Variants in XRCC1 observed in about 807,000 individuals in gnomAD.
XRCC1 encodes the protein DNA repair protein XRCC1.
In XRCC1, 52 loss-of-function variants were observed where a neutral mutation model predicts 83.3. That is an observed-to-expected ratio of 0.62 (90% confidence interval 0.50 to 0.79). The LOEUF (loss-of-function observed/expected upper bound fraction) is 0.79, where lower values mean the gene tolerates loss of function less well. Ranked by LOEUF, XRCC1 falls within the 30% of genes least tolerant of loss-of-function variation. The pLI is 0.00. For missense variants in XRCC1, 793 were observed against 823.5 expected, an observed-to-expected ratio of 0.96 and a Z score of 0.45; for synonymous variants, 281 against 312.6, an observed-to-expected ratio of 0.90 and a Z score of 1.07.
At chr19:43,548,408 C>CTT (rs768008150) in intron 10 of XRCC1, among the ~76,000 whole-genome samples, 4 of 152,206 alleles carry the variant, frequency 2.6e-5, no homozygotes, top group South Asian at 4.1e-4. Flanking sequence ...ACATGGGAGA[C>CTT]TTCATTTTGT....
At chr19:43,569,469 C>T in intron 2 of XRCC1, among the ~76,000 whole-genome samples, 1 of 121,710 alleles carries the variant, frequency 8.2e-6, no homozygotes, top group South Asian at 2.8e-4. Context: ...TAGTGAGACC[C>T]TGTCTCAAAA....
chr19:43,568,598 C>T (rs1363837464), intron 2 of XRCC1, among the ~76,000 whole-genome samples: 1 of 151,618 alleles, frequency 6.6e-6, no homozygotes, highest in Non-Finnish European at 1.5e-5. Flanking sequence ...TGAAAAAAAA[C>T]ACACAAGGGA....
rs369764483 is a variant in XRCC1 at position 43,552,231 on chromosome 19, G to A, written c.868C>T (p.Arg290Ter). 9.9e-6 allele frequency: 16 copies of A among 1,612,868 alleles called. No individual in the cohort carries two copies. The highest frequency in any genetic ancestry group is 1.6e-4 in the Middle Eastern group (1 of 6,082). The change falls in exon 9 of 17, where the codon CGA (arginine) becomes TGA (stop). Residue 290 changes from arginine to a stop codon, truncating the protein, a stop_gained. Transcript: ENST00000262887. LOFTEE classifies it high-confidence loss of function. ...RTPATAPVPA[R>*]AQGAVTGKPR... is the part of the protein sequence containing the mutation. Reference sequence around the variant, plus strand: ...TTGCCTGTCACTGCCCCCTGTGCTCGGGCAGGGACTGGGGCTGTGGCTGGG... The same window carrying A: ...TTGCCTGTCACTGCCCCCTGTGCTCAGGCAGGGACTGGGGCTGTGGCTGGG...
intron 3 of XRCC1, among the ~76,000 whole-genome samples, chr19:43,560,234 CA>C (rs918100339): frequency 5.4e-4 from 75 of 138,392 alleles, no homozygotes; most frequent in Non-Finnish European, 4.0e-4. Flanking sequence ...ACTAAAAATA[CA>C]AAAAAAAAAA....
chr19:43,561,069 C>T lies in XRCC1; in HGVS notation c.145-49G>A, dbSNP rs765840799. On this transcript the variant is annotated intron_variant, in intron 2 of 16. Transcript: ENST00000262887. ...TGTCAGTGCCTGCTCTGCCTCTGGG[C>T]TCACTGTGGGACCTCAGGATGAATC... 2.7e-6 allele frequency: 4 copies of T among 1,458,534 alleles called. No homozygotes were observed. In the Admixed American group the frequency reaches 5.0e-5, roughly 18 times the overall value. 90.3% of individuals were successfully genotyped at this position (1,458,534 alleles called of 1,614,324 possible).
intron 3 of XRCC1, among the ~76,000 whole-genome samples, chr19:43,557,785 T>G (rs3213337): frequency 0.021 from 1,265 of 61,706 alleles, 12 homozygotes; most frequent in Middle Eastern, 0.081. Flanking sequence ...GGAGCAAAAT[T>G]CCATCTCAAA....
chr19:43,571,018 T>C (rs1346665836), intron 2 of XRCC1, among the ~76,000 whole-genome samples: 2 of 152,170 alleles, frequency 1.3e-5, no homozygotes, highest in Non-Finnish European at 2.9e-5. Flanking sequence ...GCCCCTGCAG[T>C]TGATTGTCAA....
At chr19:43,550,299 C>T (rs1206715643) in intron 10 of XRCC1, among the ~76,000 whole-genome samples, 1 of 152,058 alleles carries the variant, frequency 6.6e-6, no homozygotes, top group Non-Finnish European at 1.5e-5. Context: ...AAAAAAAAGT[C>T]CGCAAATAGC....
At chr19:43,544,460 A>G (rs1169408951) in intron 14 of XRCC1, among the ~76,000 whole-genome samples, 2 of 151,200 alleles carry the variant, frequency 1.3e-5, no homozygotes, top group Non-Finnish European at 2.9e-5. Context: ...AATGCCTATT[A>G]TTGTGATTTG....
chr19:43,546,913 C>CG lies in XRCC1; in HGVS notation c.1263dup (p.Gly422ArgfsTer3). ...TGAGGAAGCTTGGGGGCTTCATCTCCGCTGCCACCGCTGTGAGAGGCCTCA... is the reference window on the plus strand; with the variant it reads ...TGAGGAAGCTTGGGGGCTTCATCTCCGGCTGCCACCGCTGTGAGAGGCCTCA... On this transcript the variant is annotated frameshift_variant, in exon 11 of 17. Transcript: ENST00000262887. LOFTEE classifies it high-confidence loss of function. The CG allele has an allele frequency of 1.9e-6, 3 of 1,614,008 alleles. No homozygotes were observed. Among genetic ancestry groups the CG allele is most frequent in the Non-Finnish European group, 2.5e-6 (3 of 1,180,004 alleles).
chr19:43,560,615 C>T (rs1196435486), intron 3 of XRCC1, among the ~76,000 whole-genome samples: 1 of 152,144 alleles, frequency 6.6e-6, no homozygotes, highest in Non-Finnish European at 1.5e-5. Context: ...TCTGCCTACA[C>T]CTAGATTTTA....
In XRCC1 at chr19:43,553,637, T is replaced by G; in HGVS notation, c.461A>C (p.Asp154Ala). The G allele has an allele frequency of 6.5e-7, 1 of 1,528,580 alleles. No homozygotes were observed. Among genetic ancestry groups the G allele is most frequent in the Non-Finnish European group, 8.9e-7 (1 of 1,129,294 alleles). The allele number at this position is 1,528,580 out of a possible 1,614,324, so 94.7% of individuals were successfully genotyped here. The part of the protein sequence containing the change: ...LSFVRFHSPP[D>A]KDEAEAPSQK... ...GGACGGGGCCTCTGCCTCATCTTTG[T>G]CTGGGGGGCTATGAAACCGTACAAA... is the stretch of plus-strand genomic sequence containing the variant. The change falls in exon 5 of 17, where the codon GAC becomes GCC. Residue 154 changes from aspartate to alanine, a missense_variant. Asp to Ala is a moderately radical substitution (Grantham distance 126). Coordinates refer to ENST00000262887, the MANE Select transcript of XRCC1 (RefSeq NM_006297.3).
Position 43,552,045 on chromosome 19 carries a change from C to G in XRCC1, c.1054G>C (p.Asp352His), listed in dbSNP as rs1338100861. 5 of 1,613,968 alleles carry G rather than the reference C, an allele frequency of 3.1e-6. No homozygotes were observed. Among genetic ancestry groups the G allele is most frequent in the Non-Finnish European group, 4.2e-6 (5 of 1,179,976 alleles). ...ALELGAKYRP[D>H]WTRDSTHLIC... ...AGGTGCGTGCTGTCCCGGGTCCAGTCTGGCCGATACTTGGCCCCAAGCTCT... is the reference window on the plus strand; with the variant it reads ...AGGTGCGTGCTGTCCCGGGTCCAGTGTGGCCGATACTTGGCCCCAAGCTCT... Residue 352 changes from aspartate (D) to histidine (H), a missense_variant, in exon 9 of 17, where the codon GAC (aspartate) becomes CAC (histidine). By Grantham distance (81) the Asp-to-His change is moderately conservative. Transcript: ENST00000262887.
Position 43,552,816 on chromosome 19 carries a change from A to T in XRCC1, c.804T>A (p.Ser268=). The part of the protein sequence containing the change: ...PSKPPAQLSP[S]VPKRPKLPAP... The stretch of plus-strand genomic sequence containing the variant: ...GCTCACATTTAGGTCTCTTGGGAAC[A>T]GATGGCGACAGCTGGGCTGGTGGTT... The change falls in exon 8 of 17, where the codon TCT becomes TCA. Residue 268 remains serine (S), a synonymous_variant. Transcript: ENST00000262887. 1 of 1,610,760 alleles carries T rather than the reference A, an allele frequency of 6.2e-7. No homozygotes were observed. Among genetic ancestry groups the T allele is most frequent in the Middle Eastern group, 1.7e-4 (1 of 6,032 alleles).
rs778004241 is a variant in XRCC1 at position 43,546,114 on chromosome 19, TAGA to T, written c.1427-11_1427-9del. Reference sequence around the variant, plus strand: ...CCCCATTGTCCTGTCCTTCTGCAAGTAGAAGCTCAGTCAATGCAAGGCTGCCTT... The same window carrying T: ...CCCCATTGTCCTGTCCTTCTGCAAGTAGCTCAGTCAATGCAAGGCTGCCTT... On this transcript the variant is annotated splice_polypyrimidine_tract_variant and intron_variant, in intron 12 of 16. Coordinates refer to ENST00000262887, the MANE Select transcript of XRCC1 (RefSeq NM_006297.3). 6.2e-7 allele frequency: 1 copy of T among 1,613,224 alleles called. No homozygotes were observed. Among genetic ancestry groups the T allele is most frequent in the Admixed American group, 1.7e-5 (1 of 59,950 alleles).
chr19:43,574,850 A>C (rs1373282909), intron 2 of XRCC1, 60 bp downstream of exon 2: 2 of 1,418,768 alleles, frequency 1.4e-6, no homozygotes, highest in East Asian at 2.3e-5. Context: ...GCTCAGGAGC[A>C]GAATCTGGAA....
At position 43,543,341 on chromosome 19, in the gene XRCC1, C is replaced by CGTGTGTGTGT. The variant is rs45592142; in HGVS notation, c.*41_*50dup. ...ACCAACTCATCTTTATTAAATGCAT[C>CGTGTGTGTGT]GTGTGTGTGTGTGTGTGTGTGTGTG... On this transcript the variant is annotated 3_prime_UTR_variant, in exon 17 of 17. Coordinates refer to ENST00000262887, the MANE Select transcript of XRCC1 (RefSeq NM_006297.3). 3.8e-3 allele frequency: 4,013 copies of CGTGTGTGTGT among 1,043,530 alleles called. 26 individuals are homozygous for CGTGTGTGTGT. The highest frequency in any genetic ancestry group is 0.016 in the Middle Eastern group (67 of 4,174). 64.6% of individuals were successfully genotyped at this position (1,043,530 alleles called of 1,614,324 possible). A position where few individuals can be genotyped will look rare whatever the true frequency, so the allele number is the denominator to read the frequency against.
intron 14 of XRCC1, among the ~76,000 whole-genome samples, 196 bp from the exon 15 acceptor site, chr19:43,544,430 G>T (rs950148435): frequency 2.6e-5 from 4 of 152,084 alleles, no homozygotes; most frequent in African/African-American, 9.7e-5. Flanking sequence ...TGGTTGGTTT[G>T]CTTTAATGGT....
chr19:43,548,095 TC>T (rs1302788319), intron 10 of XRCC1, among the ~76,000 whole-genome samples: 18 of 122,020 alleles, frequency 1.5e-4, no homozygotes, highest in East Asian at 1.0e-3. Context: ...AGCCGCCCCA[TC>T]CGGGAGGGAG....
Sources: gnomAD v4.1 joint callset for allele counts (sites outside exome capture counted in the v4.1 genomes callset) on GRCh38, gnomAD v4.1.1 for gene constraint, MANE v1.5 for transcripts, NCBI Gene and HGNC (gene_info 2026-07-23, HGNC 2026-07-21) for gene names.